Variants in PALLD observed in about 807,000 individuals in gnomAD.
PALLD encodes palladin.
A neutral mutation model predicts 123.5 loss-of-function variants in PALLD; 61 were observed. The observed-to-expected ratio is 0.49, with a 90% CI of 0.40 to 0.61. PALLD has a LOEUF of 0.61. Among genes scored for constraint, PALLD ranks in the 20% least tolerant of loss-of-function variants. The pLI is 0.00. For missense variants in PALLD, 1,273 were observed against 1,377.0 expected (o/e 0.92, Z 1.20); for synonymous variants, 465 against 496.4 (o/e 0.94, Z 0.84).
chr4:168,817,571 A>G (rs1296823879), intron 10 of PALLD, among the ~76,000 whole-genome samples: 13 of 152,150 alleles, frequency 8.5e-5, no homozygotes, highest in East Asian at 1.9e-4. Context: ...CATCTCCCCA[A>G]CTCTCCAGAG....
At chr4:168,620,441 T>C (rs1774656621) in intron 2 of PALLD, among the ~76,000 whole-genome samples, 1 of 151,744 alleles carries the variant, frequency 6.6e-6, no homozygotes, top group African/African-American at 2.4e-5. Context: ...GGCGACAGAG[T>C]GAGATGCTGT....
chr4:168,927,886 T>A lies in PALLD; in HGVS notation c.*1706T>A, dbSNP rs1762753339. On this transcript the variant is annotated 3_prime_UTR_variant, in exon 22 of 22. Transcript: ENST00000505667. ...ACTTTGCTATGAAAAGAAAACACTGTATTCCTTATGCAAAACACATGTATC... is the reference window on the plus strand; with the variant it reads ...ACTTTGCTATGAAAAGAAAACACTGAATTCCTTATGCAAAACACATGTATC... 4.8e-6 allele frequency: 1 copy of A among 206,998 alleles called. No individual in the cohort carries two copies. Among genetic ancestry groups the A allele is most frequent in the Admixed American group, 5.9e-5 (1 of 16,850 alleles). 12.8% of individuals were successfully genotyped at this position (206,998 alleles called of 1,614,324 possible).
In PALLD at chr4:168,894,636, G is replaced by A. The variant is rs1407253197; in HGVS notation, c.2158G>A (p.Val720Ile). Residue 720 changes from valine (V) to isoleucine (I), a missense_variant, in exon 12 of 22, where the codon GTC (valine) becomes ATC (isoleucine). Physicochemically the swap from Val to Ile is conservative, Grantham distance 29 (BLOSUM62 3). This residue lies in a region of PALLD where 944 missense variants were observed against 954.5 expected (regional missense o/e 0.99). Coordinates refer to ENST00000505667, the MANE Select transcript of PALLD (RefSeq NM_001166108.2). ...ACTGCTAGGTGCTGACAGTGCAACT[G>A]TCTTTAATATTCAGGAGCCAGAAGA... ...RRLLGADSAT[V>I]FNIQEPEEET... 1.1e-5 allele frequency: 18 copies of A among 1,613,806 alleles called. No individual in the cohort carries two copies. Among genetic ancestry groups the A allele is most frequent in the Non-Finnish European group, 1.5e-5 (18 of 1,179,796 alleles).
At chr4:168,775,031 T>C (rs1478856821) in intron 10 of PALLD, among the ~76,000 whole-genome samples, 1 of 151,064 alleles carries the variant, frequency 6.6e-6, no homozygotes, top group Non-Finnish European at 1.5e-5. Context: ...ATAAATATGA[T>C]ATCTATGCTT....
chr4:168,738,180 C>A (rs1787947145), intron 10 of PALLD, among the ~76,000 whole-genome samples: 1 of 152,064 alleles, frequency 6.6e-6, no homozygotes, highest in Non-Finnish European at 1.5e-5. Context: ...GGTTTGGAAT[C>A]AATTATGCTT....
chr4:168,531,320 C>G (rs547881914), intron 2 of PALLD, among the ~76,000 whole-genome samples: 3 of 152,224 alleles, frequency 2.0e-5, no homozygotes, highest in African/African-American at 7.2e-5. Context: ...TGGTTAGACC[C>G]AGAACCTTAT....
intron 2 of PALLD, among the ~76,000 whole-genome samples, chr4:168,582,355 G>T (rs2149657035): frequency 6.6e-6 from 1 of 152,146 alleles, no homozygotes; most frequent in East Asian, 1.9e-4. Context: ...TTGTTTATCA[G>T]ATTTTTTGTG....
chr4:168,549,597 A>G (rs375226946), intron 2 of PALLD, among the ~76,000 whole-genome samples: 1 of 152,164 alleles, frequency 6.6e-6, no homozygotes, highest in South Asian at 2.1e-4. Flanking sequence ...CCTCTTATTA[A>G]TACTTCACCC....
intron 10 of PALLD, chr4:168,878,489 C>A: frequency 1.1e-6 from 1 of 890,434 alleles, no homozygotes; most frequent in Non-Finnish European, 1.6e-6. Context: ...CATCAGCCTG[C>A]AACCCAGAGC....
chr4:168,729,168 A>T (rs1786899438), intron 10 of PALLD, among the ~76,000 whole-genome samples: 1 of 152,160 alleles, frequency 6.6e-6, no homozygotes. Context: ...AAGGAGGAAG[A>T]CACCAGCTGA....
chr4:168,508,043 C>T (rs1762176364), intron 1 of PALLD, among the ~76,000 whole-genome samples: 1 of 152,230 alleles, frequency 6.6e-6, no homozygotes, highest in African/African-American at 2.4e-5. Context: ...GCTGTTGCTT[C>T]TAGGTGCTAT....
chr4:168,682,967 C>T, intron 4 of PALLD, 31 bp from the exon 5 acceptor site: 2 of 1,256,540 alleles, frequency 1.6e-6, no homozygotes, highest in African/African-American at 1.5e-5. Flanking sequence ...AAAAAATATT[C>T]TGACTAAACA....
chr4:168,888,971 G>C (rs1196439970), intron 10 of PALLD, among the ~76,000 whole-genome samples: 1 of 152,078 alleles, frequency 6.6e-6, no homozygotes, highest in Admixed American at 6.6e-5. Flanking sequence ...AGTTTCTGCT[G>C]CATACTTAGT....
At chr4:168,920,854 A>T (rs914054421) in intron 17 of PALLD, among the ~76,000 whole-genome samples, 2 of 152,200 alleles carry the variant, frequency 1.3e-5, no homozygotes, top group South Asian at 4.1e-4. Flanking sequence ...ACAGTACTAT[A>T]TATAAATGCC....
chr4:168,865,901 G>C (rs1266666679), intron 10 of PALLD, among the ~76,000 whole-genome samples: 1 of 152,152 alleles, frequency 6.6e-6, no homozygotes, highest in African/African-American at 2.4e-5. Context: ...ACAGAAAATT[G>C]GTGGCACAGT....
chr4:168,838,981 T>C (rs777061195), intron 10 of PALLD, among the ~76,000 whole-genome samples: 4 of 152,286 alleles, frequency 2.6e-5, no homozygotes, highest in East Asian at 1.9e-4. Context: ...AGACATGAAC[T>C]CACTACCTTC....
intron 10 of PALLD, among the ~76,000 whole-genome samples, chr4:168,805,584 G>C (rs1005568177): frequency 2.6e-5 from 4 of 152,118 alleles, no homozygotes; most frequent in Non-Finnish European, 4.4e-5. Context: ...ATGCCTCTGT[G>C]CGTGTGTTTC....
chr4:168,901,071 GTTT>G (rs1756412870), intron 14 of PALLD, among the ~76,000 whole-genome samples: 1 of 152,190 alleles, frequency 6.6e-6, no homozygotes, highest in Admixed American at 6.5e-5. Flanking sequence ...GGACTTAATT[GTTT>G]AAACTTTTCA....
intron 1 of PALLD, among the ~76,000 whole-genome samples, chr4:168,510,435 T>C (rs1010653876): frequency 2.0e-5 from 3 of 152,142 alleles, no homozygotes; most frequent in Non-Finnish European, 2.9e-5. Flanking sequence ...AATTTTATAT[T>C]ATTAACATAT....
Sources: allele counts gnomAD v4.1 joint callset (sites outside exome capture counted in the v4.1 genomes callset), GRCh38; gene constraint gnomAD v4.1.1; regional missense constraint gnomAD v4.1.1; transcripts MANE v1.5; gene names NCBI Gene and HGNC (gene_info 2026-07-23, HGNC 2026-07-21).